The following PLCL1 variants were observed in gnomAD, a reference collection of about 807,000 sequenced individuals.
PLCL1 encodes inactive phospholipase C-like protein 1.
Under a neutral mutation model 84.4 loss-of-function variants are expected in PLCL1, and 41 were observed. That is an observed-to-expected ratio of 0.49 (90% CI 0.38 to 0.63). The LOEUF (loss-of-function observed/expected upper bound fraction) is 0.63, where lower values mean the gene tolerates loss of function less well. PLCL1 is among the 30% of genes least tolerant of loss of function. The pLI is 0.00. For synonymous variants in PLCL1, 490 were observed against 488.3 expected (o/e 1.00, Z -0.05); for missense variants, 1,206 against 1,367.8 (o/e 0.88, Z 1.87).
intron 1 of PLCL1, among the ~76,000 whole-genome samples, chr2:197,854,865 C>G (rs1687301252): frequency 6.6e-6 from 1 of 152,080 alleles, no homozygotes; most frequent in South Asian, 2.1e-4. Context: ...TTTCCCCTCC[C>G]CCATGCTTTT....
intron 2 of PLCL1, among the ~76,000 whole-genome samples, chr2:198,086,939 A>G (rs1692900910): frequency 6.6e-6 from 1 of 152,162 alleles, no homozygotes; most frequent in African/African-American, 2.4e-5. Context: ...TATGATCATG[A>G]AAGAATTTGA....
intron 5 of PLCL1, among the ~76,000 whole-genome samples, chr2:198,113,061 A>G (rs1294541422): frequency 1.3e-5 from 2 of 151,894 alleles, no homozygotes; most frequent in Non-Finnish European, 2.9e-5. Context: ...CATAGCATCT[A>G]TCTGGGGGTT....
intron 1 of PLCL1, among the ~76,000 whole-genome samples, chr2:198,069,060 A>G (rs913770541): frequency 2.0e-5 from 3 of 151,906 alleles, no homozygotes; most frequent in African/African-American, 7.2e-5. Context: ...AAATAAAAAT[A>G]AAAAAATAAA....
chr2:197,893,700 T>A (rs1046386610), intron 1 of PLCL1, among the ~76,000 whole-genome samples: 2 of 149,354 alleles, frequency 1.3e-5, no homozygotes, highest in Middle Eastern at 3.2e-3. Flanking sequence ...CAAAGAAAGT[T>A]AGGTGCTTAA....
chr2:198,031,969 ATTC>A (rs933505470), intron 1 of PLCL1, among the ~76,000 whole-genome samples: 5 of 152,260 alleles, frequency 3.3e-5, no homozygotes, highest in Non-Finnish European at 7.4e-5. Context: ...GATTTTTGTT[ATTC>A]TTCATTTGTT....
chr2:198,084,901 A>G lies in PLCL1; in HGVS notation c.1384A>G (p.Met462Val), dbSNP rs145704485. Residue 462 changes from methionine to valine, a missense_variant, in exon 2 of 6, where the codon ATG becomes GTG. Met to Val is a conservative substitution (Grantham distance 21). Coordinates refer to ENST00000428675, the MANE Select transcript of PLCL1 (RefSeq NM_006226.4). ...ACCAATCCTTTGTAATCGAAATAAC[A>G]TGACAACCCATGTTTCCTTTCGAAG... Reference protein sequence around the residue: ...NEPILCNRNNMTTHVSFRSVI... With the variant: ...NEPILCNRNNVTTHVSFRSVI... 51 of 1,614,056 alleles carry G rather than the reference A, an allele frequency of 3.2e-5. No homozygotes were observed. In the African/African-American group the frequency reaches 4.8e-4, roughly 15 times the overall value.
intron 1 of PLCL1, among the ~76,000 whole-genome samples, chr2:197,959,350 C>A (rs368401994): frequency 2.0e-5 from 3 of 152,072 alleles, no homozygotes; most frequent in East Asian, 3.9e-4. Context: ...TCTTTTTGTT[C>A]TATTCAGGTC....
At chr2:197,951,721 A>T (rs1489823828) in intron 1 of PLCL1, among the ~76,000 whole-genome samples, 1 of 152,128 alleles carries the variant, frequency 6.6e-6, no homozygotes, top group East Asian at 1.9e-4. Context: ...ATTCCAGCGA[A>T]CACATAGGCA....
chr2:197,882,391 G>A (rs1687844500), intron 1 of PLCL1, among the ~76,000 whole-genome samples: 1 of 151,964 alleles, frequency 6.6e-6, no homozygotes, highest in South Asian at 2.1e-4. Flanking sequence ...TAATTTAATG[G>A]GAATTTAAAA....
chr2:198,046,254 T>A (rs960390472), intron 1 of PLCL1, among the ~76,000 whole-genome samples: 2 of 152,192 alleles, frequency 1.3e-5, no homozygotes, highest in Non-Finnish European at 2.9e-5. Flanking sequence ...AGCTCTTTAC[T>A]GAAAAAAAAT....
intron 3 of PLCL1, among the ~76,000 whole-genome samples, chr2:198,089,893 C>T (rs1172789248): frequency 2.0e-5 from 3 of 152,074 alleles, no homozygotes; most frequent in Non-Finnish European, 2.9e-5. Flanking sequence ...AGATATTCCC[C>T]TCACCATTAA....
intron 1 of PLCL1, among the ~76,000 whole-genome samples, chr2:197,842,314 C>T (rs1687020937): frequency 6.6e-6 from 1 of 152,092 alleles, no homozygotes; most frequent in African/African-American, 2.4e-5. Context: ...TGTTCCAGTG[C>T]CATCTCTGGG....
chr2:197,980,122 GGAAGA>G (rs1381223276), intron 1 of PLCL1, among the ~76,000 whole-genome samples: 2 of 152,140 alleles, frequency 1.3e-5, no homozygotes, highest in African/African-American at 2.4e-5. Context: ...TGCAGAAAGC[GGAAGA>G]GAAGAGAACA....
At chr2:197,983,130 G>A (rs1022176342) in intron 1 of PLCL1, among the ~76,000 whole-genome samples, 2 of 148,878 alleles carry the variant, frequency 1.3e-5, no homozygotes, top group Non-Finnish European at 3.0e-5. Context: ...CTTCTCTTGG[G>A]GATTAAATAA....
chr2:198,055,716 A>T (rs973312301), intron 1 of PLCL1, among the ~76,000 whole-genome samples: 1 of 152,126 alleles, frequency 6.6e-6, no homozygotes. Flanking sequence ...CAGGGAGCAA[A>T]CAGATTTTTA....
intron 1 of PLCL1, among the ~76,000 whole-genome samples, chr2:198,022,001 C>G (rs1027963157): frequency 8.5e-5 from 13 of 152,170 alleles, no homozygotes; most frequent in Non-Finnish European, 1.5e-4. Flanking sequence ...TACTGGCAAA[C>G]TGAATCCAGC....
intron 1 of PLCL1, among the ~76,000 whole-genome samples, chr2:197,822,448 C>T (rs1049208035): frequency 3.3e-5 from 5 of 152,166 alleles, no homozygotes; most frequent in Non-Finnish European, 4.4e-5. Context: ...CAGCTCTTGA[C>T]ATATTTGAAG....
intron 1 of PLCL1, among the ~76,000 whole-genome samples, chr2:198,054,997 T>G (rs1692027352): frequency 6.6e-6 from 1 of 152,130 alleles, no homozygotes; most frequent in Non-Finnish European, 1.5e-5. Flanking sequence ...AATCAGAAGG[T>G]GCACATTATA....
chr2:197,902,362 T>C (rs888909729), intron 1 of PLCL1, among the ~76,000 whole-genome samples: 1 of 152,154 alleles, frequency 6.6e-6, no homozygotes, highest in Non-Finnish European at 1.5e-5. Flanking sequence ...TTTCCGGTCA[T>C]TCATGCTACT....
Sources: gnomAD v4.1 joint callset for allele counts (sites outside exome capture counted in the v4.1 genomes callset) on GRCh38, gnomAD v4.1.1 for gene constraint, MANE v1.5 for transcripts, NCBI Gene and HGNC (gene_info 2026-07-23, HGNC 2026-07-21) for gene names.